Variants in XYLT1 observed in about 807,000 individuals in gnomAD.
XYLT1 encodes beta-D-xylosyltransferase 1.
Under a neutral mutation model 91.3 loss-of-function variants are expected in XYLT1, and 36 were observed. The observed-to-expected ratio is 0.39, with a 90% CI of 0.30 to 0.52. XYLT1 has a LOEUF of 0.52. Ranked by LOEUF, XYLT1 falls within the 20% of genes least tolerant of loss-of-function variation. The probability of loss-of-function intolerance (pLI) is 0.68; values close to 1 mark genes in which losing one functional copy is unlikely to be tolerated. For synonymous variants in XYLT1, 588 were observed against 532.0 expected (o/e 1.11, Z -1.45); for missense variants, 1,242 against 1,284.5 (o/e 0.97, Z 0.51).
At chr16:17,380,938 G>A (rs1462699463) in intron 1 of XYLT1, among the ~76,000 whole-genome samples, 2 of 152,234 alleles carry the variant, frequency 1.3e-5, no homozygotes, top group African/African-American at 4.8e-5. Flanking sequence ...ACTTATAGGA[G>A]GTACTTAGCG....
At chr16:17,463,192 C>A (rs1229582794) in intron 1 of XYLT1, among the ~76,000 whole-genome samples, 2 of 152,088 alleles carry the variant, frequency 1.3e-5, no homozygotes, top group Non-Finnish European at 2.9e-5. Context: ...GGTAAGACCA[C>A]AAAAGCACAG....
At chr16:17,327,555 A>G (rs138019130) in intron 2 of XYLT1, among the ~76,000 whole-genome samples, 2 of 136,146 alleles carry the variant, frequency 1.5e-5, no homozygotes, top group African/African-American at 2.7e-5. Flanking sequence ...GTAGAGACGG[A>G]GTTTCACCGT....
At chr16:17,122,906 G>A (rs1333556267) in intron 10 of XYLT1, among the ~76,000 whole-genome samples, 2 of 152,084 alleles carry the variant, frequency 1.3e-5, no homozygotes, top group African/African-American at 4.8e-5. Flanking sequence ...CTTTATTTCT[G>A]GGTTCTCTAT....
At chr16:17,119,376 G>T (rs907397066) in intron 10 of XYLT1, among the ~76,000 whole-genome samples, 5 of 152,214 alleles carry the variant, frequency 3.3e-5, no homozygotes, top group Admixed American at 6.5e-5. Context: ...CACAGCATGT[G>T]GGCATGTTGG....
chr16:17,310,574 G>A (rs138039272), intron 2 of XYLT1, among the ~76,000 whole-genome samples: 11 of 152,316 alleles, frequency 7.2e-5, no homozygotes, highest in African/African-American at 1.9e-4. Flanking sequence ...AGGCAGGCCC[G>A]GCGCAGTGGC....
At chr16:17,296,617 C>T (rs1478775143) in intron 2 of XYLT1, among the ~76,000 whole-genome samples, 1 of 152,194 alleles carries the variant, frequency 6.6e-6, no homozygotes, top group Non-Finnish European at 1.5e-5. Context: ...GGTGTCTGGG[C>T]TCTGATGGGC....
At chr16:17,254,820 G>A (rs756826860) in intron 3 of XYLT1, among the ~76,000 whole-genome samples, 6 of 152,098 alleles carry the variant, frequency 3.9e-5, no homozygotes, top group African/African-American at 7.2e-5. Flanking sequence ...AGGTTTTCAG[G>A]GAGTCAAAAG....
rs541715998 is a variant in XYLT1, at chr16:17,155,146, G to A, written c.1370+3683C>T. 2.6e-5 allele frequency among the ~76,000 whole-genome samples: 4 copies of A among 152,212 alleles called. No homozygotes were observed. In the East Asian group the frequency reaches 5.8e-4, roughly 22 times the overall value. ...AGAACACAGAGAGGCTTCATCACGT[G>A]AGAATTATGAGCTTGGACTCTGTGA... On this transcript the variant is annotated intron_variant, in intron 6 of 11. Transcript: ENST00000261381.
At chr16:17,181,792 G>A (rs1338541203) in intron 5 of XYLT1, among the ~76,000 whole-genome samples, 1 of 151,986 alleles carries the variant, frequency 6.6e-6, no homozygotes, top group Non-Finnish European at 1.5e-5. Flanking sequence ...TCAGGCCTGG[G>A]TGGTACTTAA....
At chr16:17,362,938 C>T (rs1037266794) in intron 1 of XYLT1, among the ~76,000 whole-genome samples, 1 of 152,194 alleles carries the variant, frequency 6.6e-6, no homozygotes, top group Non-Finnish European at 1.5e-5. Flanking sequence ...ACAGACGCTC[C>T]CAGGGAACAC....
chr16:17,365,054 A>G (rs990747295), intron 1 of XYLT1, among the ~76,000 whole-genome samples: 2 of 152,196 alleles, frequency 1.3e-5, no homozygotes, highest in African/African-American at 2.4e-5. Context: ...CCAGCCATCA[A>G]GTGTCGGATG....
At chr16:17,132,504 C>T (rs942679934) in intron 9 of XYLT1, among the ~76,000 whole-genome samples, 1 of 95,846 alleles carries the variant, frequency 1.0e-5, no homozygotes. Flanking sequence ...AACTAAGATA[C>T]CAGCAATGAC....
At chr16:17,371,022 C>CT (rs573036240) in intron 1 of XYLT1, among the ~76,000 whole-genome samples, 91 of 152,326 alleles carry the variant, frequency 6.0e-4, no homozygotes, top group African/African-American at 2.0e-3. Context: ...AAGCCCAGCA[C>CT]TTTCAGCTGG....
At chr16:17,144,726 A>G (rs557180996) in intron 6 of XYLT1, among the ~76,000 whole-genome samples, 3 of 152,228 alleles carry the variant, frequency 2.0e-5, no homozygotes, top group Non-Finnish European at 4.4e-5. Flanking sequence ...AGACCAAGAA[A>G]TGATTTTATG....
At chr16:17,167,876 C>T (rs955184661) in intron 5 of XYLT1, among the ~76,000 whole-genome samples, 7 of 152,206 alleles carry the variant, frequency 4.6e-5, no homozygotes, top group Non-Finnish European at 7.3e-5. Context: ...CCTTCCATCT[C>T]GTGAATGGAT....
intron 1 of XYLT1, among the ~76,000 whole-genome samples, chr16:17,390,040 G>C (rs2035797262): frequency 6.6e-6 from 1 of 151,904 alleles, no homozygotes; most frequent in Admixed American, 6.6e-5. Flanking sequence ...TTCACCCCCT[G>C]CCCATCTCTT....
At chr16:17,233,485 AG>A (rs2033199442) in intron 3 of XYLT1, among the ~76,000 whole-genome samples, 2 of 152,250 alleles carry the variant, frequency 1.3e-5, no homozygotes, top group African/African-American at 4.8e-5. Context: ...GGTGTGGTGC[AG>A]GGCTCTGCGC....
chr16:17,461,760 T>TG (rs2036826819), intron 1 of XYLT1, among the ~76,000 whole-genome samples: 1 of 152,176 alleles, frequency 6.6e-6, no homozygotes, highest in Admixed American at 6.6e-5. Context: ...CTGGGTAGAC[T>TG]GAGAACACAG....
chr16:17,127,714 G>C lies in XYLT1; in HGVS notation c.2175C>G (p.Phe725Leu). The stretch of plus-strand genomic sequence containing the variant: ...AGTCACTGGGTGGGCTTGCGATCTT[G>C]AAGACTTTTTTCGGCATCACCCAGG... ...LETWVMPKKV[F>L]KIASPPSDFG... is the part of the protein sequence containing the mutation. The change falls in exon 10 of 12, where the codon TTC becomes TTG. Residue 725 changes from phenylalanine to leucine, a missense_variant. Physicochemically the swap from Phe to Leu is conservative, Grantham distance 22. This residue lies in a region of XYLT1 where 511 missense variants were observed against 497.0 expected (regional missense o/e 1.03). Transcript: ENST00000261381. The C allele has an allele frequency of 6.2e-7, 1 of 1,614,172 alleles. No individual in the cohort carries two copies. Among genetic ancestry groups the C allele is most frequent in the Non-Finnish European group, 8.5e-7 (1 of 1,180,020 alleles).
Sources: gnomAD v4.1 joint callset for allele counts (sites outside exome capture counted in the v4.1 genomes callset) on GRCh38, gnomAD v4.1.1 for gene constraint, gnomAD v4.1.1 regional missense constraint, MANE v1.5 for transcripts, NCBI Gene and HGNC (gene_info 2026-07-23, HGNC 2026-07-21) for gene names.